The following EIF4A2 variants were observed in gnomAD, a reference collection of about 807,000 sequenced individuals.
EIF4A2 encodes the protein eukaryotic initiation factor 4A-II.
A neutral mutation model predicts 50.6 loss-of-function variants in EIF4A2; 9 were observed. The observed-to-expected ratio is 0.18, with a 90% confidence interval of 0.11 to 0.31. The LOEUF is 0.31. Ranked by LOEUF, EIF4A2 falls within the 10% of genes least tolerant of loss-of-function variation. The probability of loss-of-function intolerance (pLI) is 1.00; values close to 1 mark genes in which losing one functional copy is unlikely to be tolerated. For missense variants in EIF4A2, 182 were observed against 501.8 expected, an observed-to-expected ratio of 0.36 and a Z score of 6.09; for synonymous variants, 215 against 164.4, an observed-to-expected ratio of 1.31 and a Z score of -2.35.
At position 186,789,347 on chromosome 3, in the gene EIF4A2, T is replaced by TTGGGA. The variant is rs1307600304; in HGVS notation, c.*79_*83dup. On this transcript the variant is annotated 3_prime_UTR_variant, in exon 11 of 11. Transcript: ENST00000323963. Reference sequence around the variant, plus strand: ...CACAACGTGCATTGTGCTTCTTTCTTTGGGAATATTTGAATCTTGTCTCAA... The same window carrying TTGGGA: ...CACAACGTGCATTGTGCTTCTTTCTTTGGGATGGGAATATTTGAATCTTGTCTCAA... The TTGGGA allele has an allele frequency of 7.3e-6, 11 of 1,507,104 alleles. No homozygotes were observed. The highest frequency in any genetic ancestry group is 1.4e-5 in the African/African-American group (1 of 71,272). 93.4% of individuals were successfully genotyped at this position (1,507,104 alleles called of 1,614,324 possible).
intron 1 of EIF4A2, 68 bp downstream of exon 1, chr3:186,783,707 A>C: frequency 6.2e-7 from 1 of 1,611,984 alleles, no homozygotes; most frequent in Non-Finnish European, 8.5e-7. Context: ...ATGATAGTGG[A>C]TGGCACGGAG....
At chr3:186,783,764 T>C in intron 1 of EIF4A2, 125 bp downstream of exon 1, 2 of 1,481,644 alleles carry the variant, frequency 1.3e-6, no homozygotes, top group Non-Finnish European at 1.9e-6. Flanking sequence ...ACAGCACTCC[T>C]GTGCCCTTCC....
chr3:186,787,775 A>G (rs1276281938), intron 9 of EIF4A2, 28 bp from the exon 10 acceptor site: 4 of 1,613,982 alleles, frequency 2.5e-6, no homozygotes, highest in Admixed American at 1.7e-5. Flanking sequence ...TTTTGAATCA[A>G]TTTTTAAAAC....
At chr3:186,783,825 G>A (rs574711504) in intron 1 of EIF4A2, 186 bp downstream of exon 1, 403 of 924,122 alleles carry the variant, frequency 4.4e-4, no homozygotes, top group South Asian at 1.0e-3. Flanking sequence ...TAGGACGGTG[G>A]TGCGAAAGCA....
Position 186,789,387 on chromosome 3 carries a change from C to T in EIF4A2, c.*118C>T. 15 of 1,378,560 alleles carry T rather than the reference C, an allele frequency of 1.1e-5. No individual in the cohort carries two copies. The highest frequency in any genetic ancestry group is 1.4e-5 in the Non-Finnish European group (15 of 1,035,128). 85.4% of individuals were successfully genotyped at this position (1,378,560 alleles called of 1,614,324 possible). ...TCTTGTCTCAATGCTCATAACGGAT[C>T]AGAAATACAGATTTTGATAGCAAAG... is the stretch of plus-strand genomic sequence containing the variant. On this transcript the variant is annotated 3_prime_UTR_variant, in exon 11 of 11. Coordinates refer to ENST00000323963, the MANE Select transcript of EIF4A2 (RefSeq NM_001967.4).
At chr3:186,783,716 A>T (rs1473907010) in intron 1 of EIF4A2, 77 bp downstream of exon 1, 1 of 1,607,898 alleles carries the variant, frequency 6.2e-7, no homozygotes, top group South Asian at 1.1e-5. Context: ...GATGGCACGG[A>T]GGCAAAAACT....
At position 186,787,894 on chromosome 3, in the gene EIF4A2, G is replaced by A; in HGVS notation, c.1079+12G>A. On this transcript the variant is annotated intron_variant, in intron 10 of 10. Transcript: ENST00000323963. Reference sequence around the variant, plus strand: ...AACTATATTCACAGGTGAGAAGCCAGCATCTTGGCTGTATTGAAAAAAATT... The same window carrying A: ...AACTATATTCACAGGTGAGAAGCCAACATCTTGGCTGTATTGAAAAAAATT... 1 of 1,613,018 alleles carries A rather than the reference G, an allele frequency of 6.2e-7. No homozygotes were observed. The highest frequency in any genetic ancestry group is 2.2e-5 in the East Asian group (1 of 44,878).
chr3:186,783,624 C>G lies in EIF4A2; in HGVS notation c.14C>G (p.Ser5Cys), dbSNP rs779490566. 8 of 1,613,990 alleles carry G rather than the reference C, an allele frequency of 5.0e-6. No individual in the cohort carries two copies. The East Asian group carries it at 1.1e-4, about 22-fold the overall frequency. Residue 5 changes from serine to cysteine, a missense_variant, in exon 1 of 11, where the codon TCC becomes TGC. By Grantham distance (112) the Ser-to-Cys change is moderately radical. This residue lies in a region of EIF4A2 where 43 missense variants were observed against 22.2 expected (regional missense o/e 1.93). Coordinates refer to ENST00000323963, the MANE Select transcript of EIF4A2 (RefSeq NM_001967.4). MSGG[S>C]ADYNREHGGP... ...GTTTTTCGGATCATGTCTGGTGGCTCCGCGGATTATAACAGGTATGCAGTC... is the reference window on the plus strand; with the variant it reads ...GTTTTTCGGATCATGTCTGGTGGCTGCGCGGATTATAACAGGTATGCAGTC...
In EIF4A2 at chr3:186,783,586, C is replaced by A. The variant is rs374423216; in HGVS notation, c.-25C>A. On this transcript the variant is annotated 5_prime_UTR_variant, in exon 1 of 11. Coordinates refer to ENST00000323963, the MANE Select transcript of EIF4A2 (RefSeq NM_001967.4). Reference sequence around the variant, plus strand: ...GGTTGGGCGCCGCTGTCTTTTCAGTCGGGCGCTGAGTGGTTTTTCGGATCA... The same window carrying A: ...GGTTGGGCGCCGCTGTCTTTTCAGTAGGGCGCTGAGTGGTTTTTCGGATCA... 2.5e-6 allele frequency: 4 copies of A among 1,613,976 alleles called. No individual in the cohort carries two copies. The highest frequency in any genetic ancestry group is 1.1e-5 in the South Asian group (1 of 91,070).
chr3:186,785,292 A>G (rs1560084152), intron 4 of EIF4A2, 191 bp downstream of exon 4: 2 of 734,520 alleles, frequency 2.7e-6, no homozygotes, highest in East Asian at 2.8e-5. Flanking sequence ...GTAGGGTTGT[A>G]TACTAATAGA....
chr3:186,789,823 T>G lies in EIF4A2; in HGVS notation c.*554T>G. 1.6e-6 allele frequency: 1 copy of G among 633,092 alleles called. No individual in the cohort carries two copies. Among genetic ancestry groups the G allele is most frequent in the South Asian group, 2.0e-5 (1 of 50,746 alleles). The allele number at this position is 633,092 out of a possible 1,614,324, so 39.2% of individuals were successfully genotyped here. On this transcript the variant is annotated 3_prime_UTR_variant, in exon 11 of 11. Transcript: ENST00000323963. ...GCAAGCAATCCTAGGTAGGGTTTAATCCCCAGTAAAATTGCCATATTGCAC... is the reference window on the plus strand; with the variant it reads ...GCAAGCAATCCTAGGTAGGGTTTAAGCCCCAGTAAAATTGCCATATTGCAC...
intron 10 of EIF4A2, chr3:186,788,387 G>GA: frequency 1.1e-5 from 14 of 1,287,364 alleles, no homozygotes; most frequent in Non-Finnish European, 1.3e-5. Context: ...AATCATAAGC[G>GA]AAACAGCACA....
chr3:186,787,116 A>C lies in EIF4A2; in HGVS notation c.772-11A>C, dbSNP rs375328761. 80 of 1,612,828 alleles carry C rather than the reference A, an allele frequency of 5.0e-5. No homozygotes were observed. Among genetic ancestry groups the C allele is most frequent in the Admixed American group, 2.7e-4 (16 of 59,962 alleles). Reference sequence around the variant, plus strand: ...TAAATGACTGTTAACTTTAACTTCTAAACATTACAGGAATGGAAGTTGGAT... The same window carrying C: ...TAAATGACTGTTAACTTTAACTTCTCAACATTACAGGAATGGAAGTTGGAT... On this transcript the variant is annotated splice_polypyrimidine_tract_variant and intron_variant, in intron 7 of 10. Coordinates refer to ENST00000323963, the MANE Select transcript of EIF4A2 (RefSeq NM_001967.4).
rs1721695177 is a variant in EIF4A2 at position 186,786,237 on chromosome 3, CTA to C, written c.593_594del (p.Tyr198Ter). The C allele has an allele frequency of 6.2e-7, 1 of 1,613,692 alleles. No homozygotes were observed. Among genetic ancestry groups the C allele is most frequent in the Non-Finnish European group, 8.5e-7 (1 of 1,179,918 alleles). On this transcript the variant is annotated frameshift_variant, in exon 6 of 11. Transcript: ENST00000323963. LOFTEE classifies it high-confidence loss of function. ...MLSRGFKDQI[Y>X]EIFQKLNTSI... ...TGAGCCGTGGTTTTAAGGATCAAAT[CTA>C]TGAGATTTTCCAAAAACTAAACACA...
Position 186,787,919 on chromosome 3 carries a change from T to C in EIF4A2, c.1079+37T>C, listed in dbSNP as rs1410155041. The C allele has an allele frequency of 1.9e-6, 3 of 1,602,036 alleles. No individual in the cohort carries two copies. The African/African-American group carries it at 4.0e-5, about 21-fold the overall frequency. ...GCATCTTGGCTGTATTGAAAAAAAT[T>C]CATACGTTTTTCTACTGTGATTTGT... On this transcript the variant is annotated intron_variant, in intron 10 of 10. Coordinates refer to ENST00000323963, the MANE Select transcript of EIF4A2 (RefSeq NM_001967.4).
chr3:186,783,585 T>C lies in EIF4A2; in HGVS notation c.-26T>C. ...TGGTTGGGCGCCGCTGTCTTTTCAG[T>C]CGGGCGCTGAGTGGTTTTTCGGATC... On this transcript the variant is annotated 5_prime_UTR_variant, in exon 1 of 11. Transcript: ENST00000323963. 1 of 1,614,144 alleles carries C rather than the reference T, an allele frequency of 6.2e-7. No individual in the cohort carries two copies. Among genetic ancestry groups the C allele is most frequent in the Non-Finnish European group, 8.5e-7 (1 of 1,180,026 alleles).
At chr3:186,786,998 G>GCT in intron 7 of EIF4A2, 129 bp from the exon 8 acceptor site, 1 of 1,349,084 alleles carries the variant, frequency 7.4e-7, no homozygotes, top group Non-Finnish European at 1.0e-6. Flanking sequence ...GGAACTCTGG[G>GCT]CTCTAAGTGC....
At chr3:186,785,795 C>T in intron 4 of EIF4A2, 88 bp from the exon 5 acceptor site, 2 of 1,497,172 alleles carry the variant, frequency 1.3e-6, no homozygotes, top group Non-Finnish European at 1.8e-6. Flanking sequence ...AAGCTGTTGG[C>T]AGACCAGATT....
In EIF4A2 at chr3:186,789,660, G is replaced by GTT; in HGVS notation, c.*393_*394dup. ...AAACTAGCATATCTGCCTTTATTGT[G>GTT]TTTGTCATTAGCCTGAGTAGAAAGG... On this transcript the variant is annotated 3_prime_UTR_variant, in exon 11 of 11. Transcript: ENST00000323963. 5.7e-6 allele frequency: 2 copies of GTT among 349,884 alleles called. No individual in the cohort carries two copies. Among genetic ancestry groups the GTT allele is most frequent in the African/African-American group, 2.1e-5 (1 of 47,686 alleles). The allele number at this position is 349,884 out of a possible 1,614,324, so 21.7% of individuals were successfully genotyped here. A position where few individuals can be genotyped will look rare whatever the true frequency, so the allele number is the denominator to read the frequency against.
Sources: allele counts gnomAD v4.1 joint callset, GRCh38; gene constraint gnomAD v4.1.1; regional missense constraint gnomAD v4.1.1; transcripts MANE v1.5; gene names NCBI Gene and HGNC (gene_info 2026-07-23, HGNC 2026-07-21).